The following DMD variants were observed in gnomAD, a reference collection of about 807,000 sequenced individuals.
The protein encoded by DMD is mutant dystrophin.
Under a neutral mutation model 330.1 loss-of-function variants are expected in DMD, and 63 were observed. The observed-to-expected ratio is 0.19, with a 90% CI of 0.16 to 0.24. The LOEUF (loss-of-function observed/expected upper bound fraction) is 0.24. Ranked by LOEUF, DMD falls within the 10% of genes least tolerant of loss-of-function variation. The probability of loss-of-function intolerance (pLI) is 1.00; values close to 1 mark genes in which losing one functional copy is unlikely to be tolerated. For synonymous variants in DMD, 1,223 were observed against 959.8 expected (o/e 1.27, Z -5.07); for missense variants, 3,344 against 2,684.1 (o/e 1.25, Z -5.43).
chrX:32,651,259 C>A (rs1033378882), intron 9 of DMD, among the ~76,000 whole-genome samples: 42 of 109,685 alleles, frequency 3.8e-4, no homozygotes, highest in African/African-American at 1.4e-3. Flanking sequence ...TCTCCTGCCT[C>A]AGCCTCCCGA....
intron 17 of DMD, among the ~76,000 whole-genome samples, chrX:32,518,384 C>T (rs1791801657): frequency 9.1e-6 from 1 of 109,896 alleles, no homozygotes; most frequent in African/African-American, 3.3e-5. Flanking sequence ...ACAATATATC[C>T]TGTAAGCTAT....
chrX:32,174,503 C>T (rs1254869100), intron 44 of DMD, among the ~76,000 whole-genome samples: 1 of 112,062 alleles, frequency 8.9e-6, no homozygotes, highest in Non-Finnish European at 1.9e-5. Flanking sequence ...GACACATCTT[C>T]ATTTCTCTAT....
chrX:32,070,889 T>C (rs1247281183), intron 44 of DMD, among the ~76,000 whole-genome samples: 2 of 110,978 alleles, frequency 1.8e-5, no homozygotes, highest in African/African-American at 6.6e-5. Context: ...GTGTGATGGG[T>C]GCACCAGGAT....
chrX:31,803,676 TTC>T (rs747729240), intron 50 of DMD, among the ~76,000 whole-genome samples: 1,336 of 87,632 alleles, frequency 0.015, 33 homozygotes, highest in African/African-American at 0.05. Flanking sequence ...CTTTCTCTGT[TTC>T]TCTCTCTCTC....
intron 1 of DMD, among the ~76,000 whole-genome samples, chrX:33,103,787 T>A (rs1475765604): frequency 4.5e-5 from 5 of 111,698 alleles, no homozygotes; most frequent in African/African-American, 1.3e-4. Context: ...TTTTAAAAAA[T>A]GTAAACTCAG....
chrX:32,598,279 T>C (rs2055800070), intron 12 of DMD, among the ~76,000 whole-genome samples: 1 of 112,029 alleles, frequency 8.9e-6, no homozygotes, highest in Non-Finnish European at 1.9e-5. Context: ...GAGCTTATAA[T>C]GGTTAATAAA....
intron 2 of DMD, among the ~76,000 whole-genome samples, chrX:32,943,033 C>G (rs963617767): frequency 6.3e-5 from 7 of 111,501 alleles, no homozygotes; most frequent in African/African-American, 2.0e-4. Context: ...AATTTTTCAT[C>G]TCTCATAAGA....
At chrX:32,252,718 A>C (rs1386693958) in intron 43 of DMD, among the ~76,000 whole-genome samples, 1 of 46,404 alleles carries the variant, frequency 2.2e-5, no homozygotes, top group Non-Finnish European at 3.3e-5. Flanking sequence ...ATATATAAAT[A>C]TATATAAATA....
At chrX:33,125,568 A>C (rs184675893) in intron 1 of DMD, among the ~76,000 whole-genome samples, 57 of 112,065 alleles carry the variant, frequency 5.1e-4, no homozygotes, top group African/African-American at 1.7e-3. Flanking sequence ...ACATTTTACT[A>C]AAAGAAAGTG....
At chrX:31,493,733 T>C (rs1261249940) in intron 57 of DMD, among the ~76,000 whole-genome samples, 1 of 112,100 alleles carries the variant, frequency 8.9e-6, no homozygotes, top group Non-Finnish European at 1.9e-5. Context: ...TGGATTTATG[T>C]TTTTTACACA....
intron 67 of DMD, among the ~76,000 whole-genome samples, chrX:31,191,570 T>C (rs1462479532): frequency 9.0e-6 from 1 of 111,261 alleles, no homozygotes; most frequent in Non-Finnish European, 1.9e-5. Flanking sequence ...CTGATGGTTT[T>C]AAAAACGGGA....
In DMD at chrX:32,173,524, T is replaced by C. The variant is rs1447791266; in HGVS notation, c.6438+43392A>G. 5.5e-5 allele frequency among the ~76,000 whole-genome samples: 6 copies of C among 109,451 alleles called. No individual in the cohort carries two copies. The South Asian group carries it at 2.4e-3, about 44-fold the overall frequency. ...AGTAGCTGGGATTACAGGCATGCGC[T>C]GCCATGCACGGCTAATTTTTGTATT... On this transcript the variant is annotated intron_variant, in intron 44 of 78. Transcript: ENST00000357033.
intron 1 of DMD, among the ~76,000 whole-genome samples, chrX:33,174,607 G>A (rs959319720): frequency 9.0e-6 from 1 of 111,004 alleles, no homozygotes; most frequent in African/African-American, 3.3e-5. Flanking sequence ...GTACTGGGAT[G>A]GACAAGGAGG....
chrX:32,883,846 A>AAAAGAAAAG (rs2084250568), intron 2 of DMD, among the ~76,000 whole-genome samples: 1 of 101,965 alleles, frequency 9.8e-6, no homozygotes, highest in African/African-American at 3.7e-5. Flanking sequence ...AAAAAAAAAA[A>AAAAGAAAAG]AAAAAGAAAA....
chrX:32,220,724 T>G (rs2097129239), intron 43 of DMD, among the ~76,000 whole-genome samples: 1 of 111,123 alleles, frequency 9.0e-6, no homozygotes, highest in African/African-American at 3.3e-5. Flanking sequence ...CTCCCTAAAT[T>G]TGTCTCGCTC....
intron 62 of DMD, among the ~76,000 whole-genome samples, chrX:31,289,011 G>A (rs1319277743): frequency 1.8e-5 from 2 of 109,263 alleles, no homozygotes. Context: ...TAGGTGTGGC[G>A]GCTCACATCT....
chrX:32,092,435 TG>T (rs767337057), intron 44 of DMD, among the ~76,000 whole-genome samples: 2 of 111,944 alleles, frequency 1.8e-5, no homozygotes, highest in East Asian at 5.6e-4. Flanking sequence ...CAGCAGTAGA[TG>T]GAATTTTTAT....
intron 1 of DMD, among the ~76,000 whole-genome samples, chrX:33,081,711 A>G (rs183549021): frequency 8.9e-6 from 1 of 111,856 alleles, no homozygotes; most frequent in Non-Finnish European, 1.9e-5. Flanking sequence ...CTTCCGGGTG[A>G]CCAAAAGCAT....
intron 48 of DMD, among the ~76,000 whole-genome samples, chrX:31,838,619 G>A (rs751093853): frequency 2.7e-5 from 3 of 111,937 alleles, no homozygotes; most frequent in Non-Finnish European, 5.6e-5. Context: ...ACTGGTAATA[G>A]ACAATGTTTT....
Sources: gnomAD v4.1 joint callset for allele counts (sites outside exome capture counted in the v4.1 genomes callset) on GRCh38, gnomAD v4.1.1 for gene constraint, MANE v1.5 for transcripts, NCBI Gene and HGNC (gene_info 2026-07-23, HGNC 2026-07-21) for gene names.